Variants in MEIS1 observed in about 807,000 individuals in gnomAD.
The protein encoded by MEIS1 is homeobox protein Meis1.
Under a neutral mutation model 50.8 loss-of-function variants are expected in MEIS1, and 5 were observed. The ratio of observed to expected loss-of-function variants is 0.10; its 90% CI spans 0.05 to 0.21. The LOEUF (loss-of-function observed/expected upper bound fraction) is 0.21, where lower values mean the gene tolerates loss of function less well. MEIS1 is among the 10% of genes least tolerant of loss of function. MEIS1 has a pLI of 1.00. For missense variants in MEIS1, 318 were observed against 517.3 expected (o/e 0.61, Z 3.74); for synonymous variants, 176 against 179.3 (o/e 0.98, Z 0.15).
intron 6 of MEIS1, among the ~76,000 whole-genome samples, chr2:66,447,730 A>C (rs1337708297): frequency 6.6e-6 from 1 of 152,210 alleles, no homozygotes; most frequent in African/African-American, 2.4e-5. Flanking sequence ...AAAGTACACC[A>C]TAGATGCAGA....
intron 7 of MEIS1, among the ~76,000 whole-genome samples, chr2:66,483,462 G>A (rs541240834): frequency 1.3e-5 from 2 of 152,038 alleles, no homozygotes; most frequent in Admixed American, 6.6e-5. Context: ...ATTTTACAAC[G>A]AAGACTGTTT....
intron 3 of MEIS1, chr2:66,440,289 C>T: frequency 1.7e-6 from 1 of 592,936 alleles, no homozygotes; most frequent in South Asian, 2.1e-5. Flanking sequence ...ACGGTTGTAG[C>T]TGCTGTGGAC....
At chr2:66,501,493 G>C (rs1363951665) in intron 7 of MEIS1, among the ~76,000 whole-genome samples, 1 of 149,564 alleles carries the variant, frequency 6.7e-6, no homozygotes, top group East Asian at 1.9e-4. Flanking sequence ...AGTAAAATCT[G>C]TGTTTTTTTT....
intron 6 of MEIS1, among the ~76,000 whole-genome samples, chr2:66,447,110 A>G (rs1044782622): frequency 1.3e-5 from 2 of 152,332 alleles, no homozygotes; most frequent in African/African-American, 4.8e-5. Context: ...AATGTCCTGC[A>G]TGGATGGGAT....
chr2:66,505,477 G>GA (rs923813925), intron 7 of MEIS1, among the ~76,000 whole-genome samples: 3 of 152,016 alleles, frequency 2.0e-5, no homozygotes, highest in East Asian at 1.9e-4. Flanking sequence ...ACGATTACTT[G>GA]AAAAAAAATC....
intron 8 of MEIS1, among the ~76,000 whole-genome samples, chr2:66,544,486 C>G (rs1674739841): frequency 6.6e-6 from 1 of 152,072 alleles, no homozygotes; most frequent in African/African-American, 2.4e-5. Flanking sequence ...TTGTGGGACA[C>G]TAAGGCCAAG....
chr2:66,485,909 G>A (rs1032482924), intron 7 of MEIS1, among the ~76,000 whole-genome samples: 8 of 152,172 alleles, frequency 5.3e-5, no homozygotes, highest in African/African-American at 1.9e-4. Context: ...TTTGAAAAGT[G>A]TCTGTTCATA....
At chr2:66,504,662 A>G (rs996395557) in intron 7 of MEIS1, among the ~76,000 whole-genome samples, 25 of 152,200 alleles carry the variant, frequency 1.6e-4, no homozygotes, top group African/African-American at 5.8e-4. Context: ...AAGTGCCAAT[A>G]ATACGTTTAT....
At chr2:66,439,143 T>A in intron 2 of MEIS1, 1 of 251,052 alleles carries the variant, frequency 4.0e-6, no homozygotes, top group Non-Finnish European at 6.2e-6. Context: ...CTCGCAATAC[T>A]AGCTGCTTTG....
intron 9 of MEIS1, among the ~76,000 whole-genome samples, chr2:66,555,200 TGA>T (rs919865938): frequency 1.6e-4 from 24 of 152,234 alleles, no homozygotes; most frequent in African/African-American, 5.8e-4. Flanking sequence ...CTTCTTTGCA[TGA>T]GTTTTATAGG....
intron 8 of MEIS1, among the ~76,000 whole-genome samples, chr2:66,528,851 T>A (rs1302307987): frequency 6.6e-6 from 1 of 152,152 alleles, no homozygotes; most frequent in African/African-American, 2.4e-5. Flanking sequence ...GGTGTGCCAC[T>A]CAAGGACCCC....
At chr2:66,554,178 G>A (rs1371211286) in intron 9 of MEIS1, among the ~76,000 whole-genome samples, 1 of 152,196 alleles carries the variant, frequency 6.6e-6, no homozygotes, top group Non-Finnish European at 1.5e-5. Context: ...GATTTACCCA[G>A]CAGGGACCCA....
In MEIS1 at chr2:66,464,162, C is replaced by T; in HGVS notation, c.684C>T (p.Thr228=). The change falls in exon 7 of 13, where the codon ACC becomes ACT. Residue 228 remains threonine, a synonymous_variant. Transcript: ENST00000272369. ...DDTASTRSGG[T]PGPSSGGHTS... The stretch of plus-strand genomic sequence containing the variant: ...CGGCATCTACTCGTTCAGGAGGAAC[C>T]CCAGGCCCTTCCAGCGGTGGCCACA... 6.2e-7 allele frequency: 1 copy of T among 1,606,792 alleles called. No individual in the cohort carries two copies. Among genetic ancestry groups the T allele is most frequent in the Middle Eastern group, 1.7e-4 (1 of 5,964 alleles).
At chr2:66,559,515 C>T (rs1038316938) in intron 9 of MEIS1, among the ~76,000 whole-genome samples, 1 of 152,114 alleles carries the variant, frequency 6.6e-6, no homozygotes, top group Non-Finnish European at 1.5e-5. Context: ...ATTTTATTGA[C>T]TTCTTGTGAA....
intron 7 of MEIS1, among the ~76,000 whole-genome samples, chr2:66,469,739 G>A (rs1052473515): frequency 1.3e-5 from 2 of 152,026 alleles, no homozygotes; most frequent in Admixed American, 6.5e-5. Context: ...ATTATGGCTC[G>A]GCTTAAGTGT....
rs183991796 is a variant in MEIS1, at chr2:66,463,097, C to T, written c.631-1012C>T. Among the ~76,000 whole-genome samples, 16 of 151,886 alleles carry T rather than the reference C, an allele frequency of 1.1e-4. 1 individual carries two copies. Among genetic ancestry groups the T allele is most frequent in the South Asian group, 4.2e-4 (2 of 4,796 alleles). ...AAATAAGCAAAGAGCTCTTTGATTT[C>T]GCTAGGCATACTTAATGATATTGGA... On this transcript the variant is annotated intron_variant, in intron 6 of 12. Coordinates refer to ENST00000272369, the MANE Select transcript of MEIS1 (RefSeq NM_002398.3).
At chr2:66,530,038 G>A (rs540378926) in intron 8 of MEIS1, among the ~76,000 whole-genome samples, 1 of 152,266 alleles carries the variant, frequency 6.6e-6, no homozygotes, top group South Asian at 2.1e-4. Context: ...GAAGAAGTCA[G>A]AGAAATTTAG....
chr2:66,507,328 G>A (rs10205249), intron 7 of MEIS1, among the ~76,000 whole-genome samples: 1,693 of 152,202 alleles, frequency 0.011, 31 homozygotes, highest in African/African-American at 0.038. Flanking sequence ...AGAGGATATG[G>A]CCCAAAACTG....
intron 3 of MEIS1, 66 bp downstream of exon 3, chr2:66,440,050 C>CGCGT (rs145759336): frequency 1.2e-5 from 15 of 1,222,120 alleles, no homozygotes; most frequent in Middle Eastern, 3.0e-4. Context: ...CCAACACACA[C>CGCGT]GCGCGCGCGC....
Sources: allele counts gnomAD v4.1 joint callset (sites outside exome capture counted in the v4.1 genomes callset), GRCh38; gene constraint gnomAD v4.1.1; transcripts MANE v1.5; gene names NCBI Gene and HGNC (gene_info 2026-07-23, HGNC 2026-07-21).